PRKN: variants seen among roughly 807,000 people sequenced by gnomAD.
PRKN encodes E3 ubiquitin-protein ligase parkin.
In PRKN, 56 loss-of-function variants were observed where a neutral mutation model predicts 59.5. That is an observed-to-expected ratio of 0.94 (90% CI 0.76 to 1.18). The LOEUF (loss-of-function observed/expected upper bound fraction) is 1.18. PRKN is among the 50% of genes most tolerant of loss of function. The pLI is 0.00. For missense variants in PRKN, 657 were observed against 596.4 expected, an observed-to-expected ratio of 1.10 and a Z score of -1.06; for synonymous variants, 250 against 222.1, an observed-to-expected ratio of 1.13 and a Z score of -1.12.
chr6:162,015,168 GGTTTCTT>G (rs1377847836), intron 5 of PRKN, among the ~76,000 whole-genome samples: 1 of 152,130 alleles, frequency 6.6e-6, no homozygotes, highest in Non-Finnish European at 1.5e-5. Flanking sequence ...TGGTGGGGAA[GGTTTCTT>G]TGACTGTGAG....
intron 5 of PRKN, among the ~76,000 whole-genome samples, chr6:161,978,454 C>A (rs1781137319): frequency 6.6e-6 from 1 of 152,168 alleles, no homozygotes; most frequent in South Asian, 2.1e-4. Context: ...AAGGAACACA[C>A]AATAGAAGTG....
intron 2 of PRKN, among the ~76,000 whole-genome samples, chr6:162,388,802 G>A (rs1269007363): frequency 1.3e-5 from 2 of 152,002 alleles, no homozygotes; most frequent in Non-Finnish European, 2.9e-5. Context: ...CCAGCATCTG[G>A]CCCAGCATCT....
intron 3 of PRKN, among the ~76,000 whole-genome samples, chr6:162,211,987 T>G (rs1203503270): frequency 6.6e-6 from 1 of 152,204 alleles, no homozygotes; most frequent in Non-Finnish European, 1.5e-5. Flanking sequence ...ATTTTTTTCC[T>G]TTAATCAAGA....
intron 7 of PRKN, among the ~76,000 whole-genome samples, chr6:161,734,552 G>A (rs1202339905): frequency 6.6e-6 from 1 of 152,122 alleles, no homozygotes; most frequent in Non-Finnish European, 1.5e-5. Flanking sequence ...GAAACTGAGG[G>A]GTAATACATT....
intron 2 of PRKN, among the ~76,000 whole-genome samples, chr6:162,424,878 A>G (rs1331508791): frequency 2.0e-5 from 3 of 152,272 alleles, no homozygotes; most frequent in Middle Eastern, 3.4e-3. Flanking sequence ...CTGTGAACCC[A>G]GAACTGCTGC....
Position 161,554,781 on chromosome 6 carries a change from T to TC in PRKN, c.934-5779dup, listed in dbSNP as rs1450811946. On this transcript the variant is annotated intron_variant, in intron 8 of 11. Transcript: ENST00000366898. The surrounding 1 kb of genome is among the most constrained non-coding windows in gnomAD (Gnocchi z 4.5). Reference sequence around the variant, plus strand: ...ATACACACTTATATTTATACATACTTCCCCCTTGAGTATCTGAAATCTCTT... The same window carrying TC: ...ATACACACTTATATTTATACATACTTCCCCCCTTGAGTATCTGAAATCTCTT... 3.3e-5 allele frequency among the ~76,000 whole-genome samples: 5 copies of TC among 151,050 alleles called. No individual in the cohort carries two copies. The highest frequency in any genetic ancestry group is 7.4e-5 in the Non-Finnish European group (5 of 67,784).
At chr6:161,609,857 G>A (rs1389262621) in intron 7 of PRKN, among the ~76,000 whole-genome samples, 1 of 152,154 alleles carries the variant, frequency 6.6e-6, no homozygotes, top group Non-Finnish European at 1.5e-5. Flanking sequence ...CTGTTTCACT[G>A]AGGACCAGAA....
chr6:161,875,177 A>ATG, intron 6 of PRKN, among the ~76,000 whole-genome samples: 1 of 140,080 alleles, frequency 7.1e-6, no homozygotes, highest in African/African-American at 2.8e-5. Context: ...AATATAAAAT[A>ATG]TATGTGTGTG....
At chr6:161,689,438 C>A (rs1164214999) in intron 7 of PRKN, among the ~76,000 whole-genome samples, 1 of 152,120 alleles carries the variant, frequency 6.6e-6, no homozygotes, top group Non-Finnish European at 1.5e-5. Flanking sequence ...AGGAAAAGGT[C>A]AAATTTATGA....
rs556540382 is a variant in PRKN at position 161,509,004 on chromosome 6, C to T, written c.1083+39850G>A. 2.5e-3 allele frequency among the ~76,000 whole-genome samples: 380 copies of T among 152,198 alleles called. 4 individuals are homozygous for T. The highest frequency in any genetic ancestry group is 8.4e-3 in the African/African-American group (351 of 41,546). ...GGATTACAGGCATGCGCCACCATGC[C>T]CAGCTAATTTTGTATTTTTAGTAGA... On this transcript the variant is annotated intron_variant, in intron 9 of 11. Transcript: ENST00000366898.
intron 2 of PRKN, among the ~76,000 whole-genome samples, chr6:162,392,241 T>A (rs1259599091): frequency 6.6e-6 from 1 of 152,142 alleles, no homozygotes; most frequent in Non-Finnish European, 1.5e-5. Flanking sequence ...AACAACAGCA[T>A]AAGGTCTGCT....
At chr6:161,416,895 A>C (rs1454722929) in intron 9 of PRKN, among the ~76,000 whole-genome samples, 1 of 152,104 alleles carries the variant, frequency 6.6e-6, no homozygotes, top group Non-Finnish European at 1.5e-5. Flanking sequence ...CACCCAGGAG[A>C]GAGGTCAGAA....
intron 7 of PRKN, among the ~76,000 whole-genome samples, chr6:161,749,736 G>C (rs1163414598): frequency 6.6e-6 from 1 of 152,096 alleles, no homozygotes; most frequent in Non-Finnish European, 1.5e-5. Context: ...CCTCGGGGCT[G>C]ACATGGGGCA....
At chr6:162,096,421 T>C (rs896924687) in intron 4 of PRKN, among the ~76,000 whole-genome samples, 2 of 152,224 alleles carry the variant, frequency 1.3e-5, no homozygotes, top group African/African-American at 4.8e-5. Context: ...ACTCACATTG[T>C]ATGTTTCACT....
rs565681897 is a variant in PRKN at position 161,407,110 on chromosome 6, A to G, written c.1084-20233T>C. Among the ~76,000 whole-genome samples, 29 of 152,324 alleles carry G rather than the reference A, an allele frequency of 1.9e-4. No homozygotes were observed. The South Asian group carries it at 6.0e-3, about 32-fold the overall frequency. ...TAAAAGCCTCTATAATGAGTATGCTATATTTGTCATTAAAATGTCTTTATA... is the reference window on the plus strand; with the variant it reads ...TAAAAGCCTCTATAATGAGTATGCTGTATTTGTCATTAAAATGTCTTTATA... On this transcript the variant is annotated intron_variant, in intron 9 of 11. Transcript: ENST00000366898. This position sits in a 1 kb window ranked among gnomAD's most constrained non-coding sequence, Gnocchi z 4.9.
intron 7 of PRKN, among the ~76,000 whole-genome samples, chr6:161,661,163 T>G (rs531332332): frequency 9.5e-4 from 144 of 152,274 alleles, no homozygotes; most frequent in African/African-American, 3.1e-3. Flanking sequence ...GCCCCTAAAG[T>G]AAGGTCTGAC....
rs1791818341 is a variant in PRKN, at chr6:162,472,718, C to T, written c.8-29245G>A. Among the ~76,000 whole-genome samples the T allele has an allele frequency of 3.3e-5, 4 of 122,192 alleles. 2 individuals carry two copies. In the Admixed American group the frequency reaches 3.5e-4, roughly 11 times the overall value. 80.2% of individuals were successfully genotyped at this position (122,192 alleles called of 152,430 possible). The stretch of plus-strand genomic sequence containing the variant: ...TTGTTAGCCAGGATGGTCTCGATCT[C>T]CTGACCTCATGATCCACCCGCCTTG... On this transcript the variant is annotated intron_variant, in intron 1 of 11. Transcript: ENST00000366898.
At chr6:162,088,016 A>G (rs4709571) in intron 4 of PRKN, among the ~76,000 whole-genome samples, 116,832 of 152,098 alleles carry the variant, frequency 0.77, 45,349 homozygotes, top group African/African-American at 0.88. Context: ...AAAGATAGAA[A>G]GAGATAGACA....
At chr6:161,706,770 C>T (rs1391230157) in intron 7 of PRKN, among the ~76,000 whole-genome samples, 1 of 152,040 alleles carries the variant, frequency 6.6e-6, no homozygotes, top group Admixed American at 6.6e-5. Context: ...GTTGGCCAGG[C>T]TGGTCTCGAA....
Sources: allele counts gnomAD v4.1 joint callset (sites outside exome capture counted in the v4.1 genomes callset), GRCh38; gene constraint gnomAD v4.1.1; non-coding constraint Gnocchi (gnomAD v3.1); transcripts MANE v1.5; gene names NCBI Gene and HGNC (gene_info 2026-07-23, HGNC 2026-07-21).